Variants in CTNND2 observed in about 807,000 individuals in gnomAD.
CTNND2 encodes the protein catenin delta 2.
Under a neutral mutation model 144.4 loss-of-function variants are expected in CTNND2, and 22 were observed. That is an observed-to-expected ratio of 0.15 (90% CI 0.11 to 0.22). CTNND2 has a LOEUF of 0.22. CTNND2 is among the 10% of genes least tolerant of loss of function. The pLI is 1.00. For missense variants in CTNND2, 1,353 were observed against 1,618.8 expected (o/e 0.84, Z 2.82); for synonymous variants, 751 against 695.6 (o/e 1.08, Z -1.25).
At chr5:11,098,848 T>C in intron 14 of CTNND2, 100 bp from the exon 15 acceptor site, 1 of 1,115,912 alleles carries the variant, frequency 9.0e-7, no homozygotes, top group South Asian at 1.5e-5. Flanking sequence ...AGCAGAGTGC[T>C]ATCACATTTG....
At chr5:11,787,646 T>C (rs1790904612) in intron 1 of CTNND2, among the ~76,000 whole-genome samples, 1 of 152,246 alleles carries the variant, frequency 6.6e-6, no homozygotes, top group Non-Finnish European at 1.5e-5. Flanking sequence ...TTGGTTATAT[T>C]GGAAATCACT....
chr5:11,687,328 A>G (rs1784701406), intron 2 of CTNND2, among the ~76,000 whole-genome samples: 1 of 152,332 alleles, frequency 6.6e-6, no homozygotes, highest in African/African-American at 2.4e-5. Flanking sequence ...CCTCCTGCCC[A>G]CCTCACTGGC....
chr5:11,712,817 A>T (rs1051129495), intron 2 of CTNND2, among the ~76,000 whole-genome samples: 1 of 152,220 alleles, frequency 6.6e-6, no homozygotes. Context: ...TTTAAAATAG[A>T]ATCAAATATA....
intron 16 of CTNND2, among the ~76,000 whole-genome samples, chr5:11,051,614 CAA>C (rs1333761865): frequency 6.6e-6 from 1 of 152,276 alleles, no homozygotes; most frequent in African/African-American, 2.4e-5. Flanking sequence ...ATCAGAATTG[CAA>C]AAGATTTTTC....
intron 16 of CTNND2, among the ~76,000 whole-genome samples, chr5:11,026,090 A>T (rs1742789745): frequency 1.3e-5 from 2 of 152,136 alleles, no homozygotes; most frequent in African/African-American, 4.8e-5. Context: ...ACTGGGGAAG[A>T]AAGAGGCTGG....
At chr5:11,650,045 T>C (rs897820820) in intron 2 of CTNND2, among the ~76,000 whole-genome samples, 2 of 152,210 alleles carry the variant, frequency 1.3e-5, no homozygotes. Context: ...TAGTCAGTGA[T>C]ATGATTTGAA....
At chr5:11,382,613 G>A (rs779075776) in intron 7 of CTNND2, among the ~76,000 whole-genome samples, 4,870 of 150,230 alleles carry the variant, frequency 0.032, 142 homozygotes, top group Middle Eastern at 0.058. Flanking sequence ...GTGTGTGTGT[G>A]TGTGTGTGTG....
At chr5:11,645,808 T>C (rs1314114570) in intron 2 of CTNND2, among the ~76,000 whole-genome samples, 4 of 152,160 alleles carry the variant, frequency 2.6e-5, no homozygotes, top group Non-Finnish European at 4.4e-5. Flanking sequence ...AAAATAACAA[T>C]CACATTACCT....
chr5:11,461,830 A>G (rs947041749), intron 3 of CTNND2, among the ~76,000 whole-genome samples: 3 of 152,216 alleles, frequency 2.0e-5, no homozygotes, highest in Admixed American at 1.3e-4. Flanking sequence ...TGAGACATTG[A>G]TTCTCAGAGA....
At chr5:11,229,878 A>C (rs1349247686) in intron 10 of CTNND2, among the ~76,000 whole-genome samples, 1 of 151,872 alleles carries the variant, frequency 6.6e-6, no homozygotes, top group African/African-American at 2.4e-5. Flanking sequence ...TGCCACCTGC[A>C]TGCCAACTCT....
chr5:11,284,608 G>T (rs1747533895), intron 9 of CTNND2, among the ~76,000 whole-genome samples: 1 of 152,060 alleles, frequency 6.6e-6, no homozygotes, highest in South Asian at 2.1e-4. Flanking sequence ...CCTTTTTATG[G>T]CTGCGTAGTA....
chr5:11,439,468 G>C (rs1213879952), intron 3 of CTNND2, among the ~76,000 whole-genome samples: 1 of 152,122 alleles, frequency 6.6e-6, no homozygotes, highest in Non-Finnish European at 1.5e-5. Context: ...AAGAAGATGT[G>C]ATAAATAAAT....
At chr5:11,397,820 C>T (rs971079726) in intron 5 of CTNND2, among the ~76,000 whole-genome samples, 10 of 152,156 alleles carry the variant, frequency 6.6e-5, no homozygotes, top group African/African-American at 2.2e-4. Context: ...AGAGAACATA[C>T]GGTGTTCAAA....
intron 12 of CTNND2, among the ~76,000 whole-genome samples, chr5:11,149,818 A>C (rs1757580382): frequency 6.6e-6 from 1 of 152,152 alleles, no homozygotes. Context: ...TCTTCGGTTA[A>C]ACCTGTTGGA....
intron 2 of CTNND2, among the ~76,000 whole-genome samples, chr5:11,720,246 G>C (rs1019769715): frequency 3.3e-5 from 5 of 152,016 alleles, no homozygotes; most frequent in Non-Finnish European, 5.9e-5. Flanking sequence ...ACACATCCCA[G>C]AGGCAGATCT....
At position 11,718,388 on chromosome 5, in the gene CTNND2, G is replaced by C. The variant is rs1267251571; in HGVS notation, c.174+13748C>G. Among the ~76,000 whole-genome samples, 3 of 152,138 alleles carry C rather than the reference G, an allele frequency of 2.0e-5. No homozygotes were observed. In the East Asian group the frequency reaches 5.8e-4, roughly 29 times the overall value. On this transcript the variant is annotated intron_variant, in intron 2 of 21. Transcript: ENST00000304623. ...TGTTCTACTGGTCATCTGTGGCTCT[G>C]AGCTCCCGCTTCTGTAGGAAATATC... is the stretch of plus-strand genomic sequence containing the variant.
intron 2 of CTNND2, among the ~76,000 whole-genome samples, chr5:11,578,491 T>C: frequency 6.6e-6 from 1 of 151,830 alleles, no homozygotes; most frequent in East Asian, 1.9e-4. Flanking sequence ...TGAAACCCCG[T>C]CTCTACTAAA....
At chr5:11,411,466 G>T in intron 5 of CTNND2, 70 bp downstream of exon 5, 1 of 790,468 alleles carries the variant, frequency 1.3e-6, no homozygotes, top group South Asian at 1.5e-5. Context: ...TAACAGTAAT[G>T]ATATTAGAAA....
chr5:11,427,140 T>G (rs907998766), intron 3 of CTNND2, among the ~76,000 whole-genome samples: 2 of 152,232 alleles, frequency 1.3e-5, no homozygotes, highest in African/African-American at 2.4e-5. Flanking sequence ...CTTAAAATTT[T>G]AAGTTTTCTT....
Sources: allele counts gnomAD v4.1 joint callset (sites outside exome capture counted in the v4.1 genomes callset), GRCh38; gene constraint gnomAD v4.1.1; transcripts MANE v1.5; gene names NCBI Gene and HGNC (gene_info 2026-07-23, HGNC 2026-07-21).